The following STARD13 variants were observed in gnomAD, a reference collection of about 807,000 sequenced individuals.
STARD13 encodes the protein stAR-related lipid transfer protein 13.
A neutral mutation model predicts 106.4 loss-of-function variants in STARD13; 62 were observed. The ratio of observed to expected loss-of-function variants is 0.58; its 90% CI spans 0.48 to 0.72. The LOEUF is 0.72. STARD13 is among the 30% of genes least tolerant of loss of function. The pLI is 0.00. For synonymous variants in STARD13, 565 were observed against 553.0 expected, an observed-to-expected ratio of 1.02 and a Z score of -0.31; for missense variants, 1,387 against 1,424.0, an observed-to-expected ratio of 0.97 and a Z score of 0.42.
At chr13:33,242,421 C>A (rs1452906910) in intron 1 of STARD13, among the ~76,000 whole-genome samples, 1 of 152,154 alleles carries the variant, frequency 6.6e-6, no homozygotes, top group Non-Finnish European at 1.5e-5. Context: ...ATTCTTCTGC[C>A]TTGGGATGCT....
intron 1 of STARD13, among the ~76,000 whole-genome samples, chr13:33,266,391 T>C (rs1890898425): frequency 6.6e-6 from 1 of 152,226 alleles, no homozygotes. Context: ...TATCTATTCA[T>C]CTTTCTAGGC....
At chr13:33,328,796 C>T (rs1055358168) in intron 1 of STARD13, among the ~76,000 whole-genome samples, 3 of 152,228 alleles carry the variant, frequency 2.0e-5, no homozygotes, top group Admixed American at 2.0e-4. Context: ...ATTGTTTCAG[C>T]TGGGTTCTCT....
the STARD13 span, among the ~76,000 whole-genome samples, chr13:33,366,058 GAT>G: frequency 1.3e-5 from 2 of 151,212 alleles, no homozygotes; most frequent in East Asian, 1.9e-4. The surrounding 1 kb of genome is among the most constrained non-coding windows in gnomAD (Gnocchi z 4.2). Context: ...CACTAAAAGT[GAT>G]ATATATATAT....
chr13:33,140,529 T>G (rs1286908885), intron 4 of STARD13, among the ~76,000 whole-genome samples: 1 of 152,226 alleles, frequency 6.6e-6, no homozygotes, highest in Non-Finnish European at 1.5e-5. Flanking sequence ...CTGGATATTG[T>G]TTTTCACTGT....
chr13:33,504,684 A>T, the STARD13 span, among the ~76,000 whole-genome samples: 1 of 152,066 alleles, frequency 6.6e-6, no homozygotes, highest in Non-Finnish European at 1.5e-5. Context: ...CAGCACACCA[A>T]CATGGCACAT....
the STARD13 span, among the ~76,000 whole-genome samples, chr13:33,493,642 T>C: frequency 1.3e-5 from 2 of 152,236 alleles, no homozygotes; most frequent in East Asian, 3.8e-4. Context: ...TGCTTAATTT[T>C]TCTGTAAACA....
chr13:33,434,267 C>T, the STARD13 span, among the ~76,000 whole-genome samples: 11 of 143,814 alleles, frequency 7.6e-5, no homozygotes, highest in East Asian at 6.6e-4. Context: ...GCAGAAGAAT[C>T]GCTTGAACCC....
intron 1 of STARD13, chr13:33,336,104 T>C (rs964202722): frequency 2.0e-5 from 3 of 152,228 alleles, no homozygotes; most frequent in East Asian, 3.8e-4. Context: ...CTGGATGAGC[T>C]TGTGGTTTAA....
chr13:33,299,910 G>A (rs1360840840), intron 1 of STARD13, among the ~76,000 whole-genome samples: 1 of 152,154 alleles, frequency 6.6e-6, no homozygotes. Context: ...TGGGCCACTG[G>A]AACTCTACAA....
At chr13:33,223,221 C>T (rs879561260) in intron 1 of STARD13, among the ~76,000 whole-genome samples, 1 of 152,198 alleles carries the variant, frequency 6.6e-6, no homozygotes, top group Non-Finnish European at 1.5e-5. Flanking sequence ...TCAGGCAATA[C>T]ATGGTTATAG....
chr13:33,631,569 C>T, the STARD13 span, among the ~76,000 whole-genome samples: 1 of 152,150 alleles, frequency 6.6e-6, no homozygotes, highest in Admixed American at 6.5e-5. Context: ...CATGTGAATG[C>T]AGTTATGAGC....
chr13:33,358,196 C>G, the STARD13 span, among the ~76,000 whole-genome samples: 1 of 152,222 alleles, frequency 6.6e-6, no homozygotes, highest in African/African-American at 2.4e-5. Context: ...GATTTCTCGC[C>G]GGGCCTTAGC....
the STARD13 span, among the ~76,000 whole-genome samples, chr13:33,608,518 T>A: frequency 3.9e-5 from 6 of 152,040 alleles, no homozygotes; most frequent in African/African-American, 1.4e-4. Flanking sequence ...ATAGAACTGA[T>A]TCAGAGATAG....
At chr13:33,641,056 G>A in the STARD13 span, among the ~76,000 whole-genome samples, 1 of 152,192 alleles carries the variant, frequency 6.6e-6, no homozygotes, top group Non-Finnish European at 1.5e-5. Flanking sequence ...AATAGGACTA[G>A]ACACAAAGGG....
intron 2 of STARD13, among the ~76,000 whole-genome samples, chr13:33,167,013 A>C (rs73179007): frequency 2.1e-5 from 3 of 146,272 alleles, no homozygotes; most frequent in African/African-American, 7.7e-5. Context: ...CAAAAAAAAA[A>C]CCAAAAAAAA....
the STARD13 span, among the ~76,000 whole-genome samples, chr13:33,398,891 C>G: frequency 1.3e-5 from 2 of 152,136 alleles, no homozygotes; most frequent in Admixed American, 1.3e-4. Flanking sequence ...AATTCCATCC[C>G]TTGGTATTTA....
the STARD13 span, among the ~76,000 whole-genome samples, chr13:33,373,908 G>A: frequency 6.6e-6 from 1 of 152,100 alleles, no homozygotes; most frequent in Non-Finnish European, 1.5e-5. Flanking sequence ...AAAATGAATT[G>A]CCATATGATC....
Position 33,129,855 on chromosome 13 carries a change from C to A in STARD13, c.822G>T (p.Arg274Ser), listed in dbSNP as rs1164152747. Residue 274 changes from arginine to serine, a missense_variant, in exon 5 of 14, where the codon AGG becomes AGT. Coordinates refer to ENST00000336934, the MANE Select transcript of STARD13 (RefSeq NM_178006.4). ...ETLRGKGAHGRHKGSGRTGGL... is the reference protein window; with the variant it reads ...ETLRGKGAHGSHKGSGRTGGL... ...CACCTGTCCGCCCAGACCCCTTATGCCTCCCGTGGGCTCCCTTCCCTCGGA... is the reference window on the plus strand; with the variant it reads ...CACCTGTCCGCCCAGACCCCTTATGACTCCCGTGGGCTCCCTTCCCTCGGA... 1 of 1,612,924 alleles carries A rather than the reference C, an allele frequency of 6.2e-7. No homozygotes were observed. The highest frequency in any genetic ancestry group is 8.5e-7 in the Non-Finnish European group (1 of 1,180,032).
intron 1 of STARD13, among the ~76,000 whole-genome samples, chr13:33,304,927 A>G (rs1219854532): frequency 6.6e-6 from 1 of 152,268 alleles, no homozygotes; most frequent in Non-Finnish European, 1.5e-5. Flanking sequence ...AACAAAATCC[A>G]TAATGTTAGT....
Sources: gnomAD v4.1 joint callset for allele counts (sites outside exome capture counted in the v4.1 genomes callset) on GRCh38, gnomAD v4.1.1 for gene constraint, Gnocchi (gnomAD v3.1) non-coding constraint, MANE v1.5 for transcripts, NCBI Gene and HGNC (gene_info 2026-07-23, HGNC 2026-07-21) for gene names.